The following SBF1 variants were observed in gnomAD, a reference collection of about 807,000 sequenced individuals.
SBF1 encodes the protein myotubularin-related protein 5.
Under a neutral mutation model 215.8 loss-of-function variants are expected in SBF1, and 65 were observed. The observed-to-expected ratio is 0.30, with a 90% confidence interval of 0.25 to 0.37. The LOEUF (loss-of-function observed/expected upper bound fraction) is 0.37. Ranked by LOEUF, SBF1 falls within the 10% of genes least tolerant of loss-of-function variation. The pLI, the probability that SBF1 is intolerant of heterozygous loss-of-function variation, is 1.00. For missense variants in SBF1, 2,634 were observed against 2,667.8 expected (o/e 0.99, Z 0.28); for synonymous variants, 1,410 against 1,122.8 (o/e 1.26, Z -5.11).
Position 50,461,193 on chromosome 22 carries a change from T to C in SBF1, c.2933A>G (p.Gln978Arg). 6.2e-7 allele frequency: 1 copy of C among 1,610,158 alleles called. No individual in the cohort carries two copies. Among genetic ancestry groups the C allele is most frequent in the Non-Finnish European group, 8.5e-7 (1 of 1,177,920 alleles). ...SVQTPVDQLL[Q>R]DGLQLRSCTF... ...GCAGGAGCGCAGCTGGAGCCCGTCCTGCAGGAGCTGGTCCACAGGGGTCTG... is the reference window on the plus strand; with the variant it reads ...GCAGGAGCGCAGCTGGAGCCCGTCCCGCAGGAGCTGGTCCACAGGGGTCTG... Residue 978 changes from glutamine to arginine, a missense_variant, in exon 23 of 41, where the codon CAG (glutamine) becomes CGG (arginine). By Grantham distance (43) the Gln-to-Arg change is conservative (BLOSUM62 1). Transcript: ENST00000380817.
Position 50,464,560 on chromosome 22 carries a change from G to C in SBF1, c.1610C>G (p.Thr537Ser), listed in dbSNP as rs541309044. ...APPAVKAERR[T>S]TVPSGPPMTA... ...CATGGGGGGCCCTGAGGGCACGGTG[G>C]TCCTCCTCTCGGCCTTCACAGCTGG... Residue 537 changes from threonine (T) to serine (S), a missense_variant, in exon 14 of 41, where the codon ACC (threonine) becomes AGC (serine). Transcript: ENST00000380817. 114 of 1,611,866 alleles carry C rather than the reference G, an allele frequency of 7.1e-5. 2 individuals are homozygous for C. In the East Asian group the frequency reaches 2.5e-3, roughly 36 times the overall value.
Position 50,463,479 on chromosome 22 carries a change from C to T in SBF1, c.1750-47G>A, listed in dbSNP as rs1428157160. Reference sequence around the variant, plus strand: ...ACGGGCTGAGGGCACAGAGAAGACCCACTCGGGGCCCTGGCAGGGAGGGCA... The same window carrying T: ...ACGGGCTGAGGGCACAGAGAAGACCTACTCGGGGCCCTGGCAGGGAGGGCA... On this transcript the variant is annotated intron_variant, in intron 15 of 40. Transcript: ENST00000380817. 6 of 1,497,088 alleles carry T rather than the reference C, an allele frequency of 4.0e-6. No homozygotes were observed. In the Admixed American group the frequency reaches 1.3e-4, roughly 33 times the overall value. 92.7% of individuals were successfully genotyped at this position (1,497,088 alleles called of 1,614,324 possible).
In SBF1 at chr22:50,448,411, G is replaced by A; in HGVS notation, c.5185C>T (p.Pro1729Ser). The A allele has an allele frequency of 1.2e-6, 2 of 1,613,870 alleles. No individual in the cohort carries two copies. The highest frequency in any genetic ancestry group is 1.7e-6 in the Non-Finnish European group (2 of 1,180,010). Residue 1729 changes from proline (P) to serine (S), a missense_variant, in exon 38 of 41, where the codon CCC (proline) becomes TCC (serine). Coordinates refer to ENST00000380817, the MANE Select transcript of SBF1 (RefSeq NM_002972.4). ...TPSSLLVSTAPHHRRSLGVYL... is the reference protein window; with the variant it reads ...TPSSLLVSTASHHRRSLGVYL... ...ACACCCAGCGAGCGACGGTGGTGGG[G>A]TGCGGTGGACACAAGGAGGGAGCTA...
At chr22:50,473,509 G>A (rs924238433) in intron 1 of SBF1, among the ~76,000 whole-genome samples, 3 of 152,220 alleles carry the variant, frequency 2.0e-5, no homozygotes, top group Non-Finnish European at 2.9e-5. Flanking sequence ...ATGACTGACG[G>A]TGCCATAAGA....
intron 36 of SBF1, among the ~76,000 whole-genome samples, chr22:50,453,845 G>T (rs2067142621): frequency 6.6e-6 from 1 of 151,510 alleles, no homozygotes; most frequent in Non-Finnish European, 1.5e-5. Context: ...GGAGCTGAGT[G>T]CAGGTCCCCC....
At position 50,459,507 on chromosome 22, in the gene SBF1, G is replaced by A. The variant is rs749839491; in HGVS notation, c.3651C>T (p.Val1217=). The change falls in exon 27 of 41, where the codon GTC becomes GTT. Residue 1217 remains valine, a synonymous_variant. Transcript: ENST00000380817. ...CGTTCTGGGCCTTGAAGAGGCCGAC[G>A]ACACCTTTGCCATGCAGGCCTCCAG... The part of the protein sequence containing the change: ...LRSGGLHGKG[V]VGLFKAQNAP... 18 of 1,610,132 alleles carry A rather than the reference G, an allele frequency of 1.1e-5. No individual in the cohort carries two copies. The highest frequency in any genetic ancestry group is 1.7e-4 in the Middle Eastern group (1 of 5,874).
Position 50,454,943 on chromosome 22 carries a change from C to T in SBF1, c.4683G>A (p.Gly1561=), listed in dbSNP as rs1248536871. The part of the protein sequence containing the change: ...LDSDYERIEL[G]LLYEEKGERR... Reference sequence around the variant, plus strand: ...GTTCCCCCTTCTCCTCATACAGCAGCCCTGCACAGAAGCAGCACTGAGCCT... The same window carrying T: ...GTTCCCCCTTCTCCTCATACAGCAGTCCTGCACAGAAGCAGCACTGAGCCT... Residue 1561 remains glycine (G), a splice_region_variant and synonymous_variant, in exon 35 of 41, where the codon GGG becomes GGA. Transcript: ENST00000380817. The T allele has an allele frequency of 6.2e-7, 1 of 1,613,890 alleles. No homozygotes were observed.
rs935185937 is a variant in SBF1, at chr22:50,445,744, C to G, written c.*1398G>C. 2.0e-5 allele frequency: 3 copies of G among 152,290 alleles called. No homozygotes were observed. The highest frequency in any genetic ancestry group is 7.2e-5 in the African/African-American group (3 of 41,454). 9.4% of individuals were successfully genotyped at this position (152,290 alleles called of 1,614,324 possible). ...ATCTCGCCCAGGTGTCCCAACACCA[C>G]CTGTGGGGTGGGGGAGGTGGCGGGA... On this transcript the variant is annotated 3_prime_UTR_variant, in exon 41 of 41. Transcript: ENST00000380817.
chr22:50,463,506 C>A, intron 15 of SBF1, 74 bp from the exon 16 acceptor site: 1 of 1,449,656 alleles, frequency 6.9e-7, no homozygotes, highest in Non-Finnish European at 9.2e-7. Context: ...GGGAGGGCAG[C>A]AGGTGTCCAG....
intron 1 of SBF1, among the ~76,000 whole-genome samples, chr22:50,469,581 G>C (rs1052363698): frequency 4.6e-5 from 7 of 152,200 alleles, no homozygotes; most frequent in African/African-American, 7.2e-5. Context: ...GGTGCAGCAG[G>C]AAAGACGAAA....
rs753561247 is a variant in SBF1, at chr22:50,464,808, T to C, written c.1431+11A>G. On this transcript the variant is annotated intron_variant, in intron 13 of 40. Coordinates refer to ENST00000380817, the MANE Select transcript of SBF1 (RefSeq NM_002972.4). ...GCGGTACGACGCCCTCCCGTCCTGC[T>C]ACCCTCGTACGTTCTTGTAGAGCTG... The C allele has an allele frequency of 1.9e-6, 3 of 1,613,354 alleles. No homozygotes were observed. Among genetic ancestry groups the C allele is most frequent in the African/African-American group, 2.7e-5 (2 of 74,942 alleles).
At position 50,462,957 on chromosome 22, in the gene SBF1, A is replaced by G. The variant is rs2067585381; in HGVS notation, c.1900-19T>C. 1 of 1,603,492 alleles carries G rather than the reference A, an allele frequency of 6.2e-7. No homozygotes were observed. The highest frequency in any genetic ancestry group is 8.5e-7 in the Non-Finnish European group (1 of 1,175,250). On this transcript the variant is annotated intron_variant, in intron 16 of 40. Coordinates refer to ENST00000380817, the MANE Select transcript of SBF1 (RefSeq NM_002972.4). ...TGCAGTCCTGCAGGTAGAGCGAGAG[A>G]CCGTCAGGACCTCTCCCCTCCCAGG...
chr22:50,465,373 C>G, intron 10 of SBF1, 45 bp from the exon 11 acceptor site: 2 of 1,507,336 alleles, frequency 1.3e-6, no homozygotes, highest in Non-Finnish European at 1.8e-6. Context: ...CCTGCCAATC[C>G]CCACCCCAGG....
rs533878318 is a variant in SBF1 at position 50,447,500 on chromosome 22, C to T, written c.5451+22G>A. The T allele has an allele frequency of 6.8e-6, 11 of 1,611,502 alleles. No individual in the cohort carries two copies. In the East Asian group the frequency reaches 1.8e-4, roughly 26 times the overall value. ...GCGGAGCCCCCTCCCCCGTGAGTCC[C>T]CCCCACCACCTGATCACTCACCTGG... On this transcript the variant is annotated intron_variant, in intron 39 of 40. Transcript: ENST00000380817.
At chr22:50,467,720 G>A (rs770013867) in intron 3 of SBF1, 30 bp from the exon 4 acceptor site, 4 of 1,606,916 alleles carry the variant, frequency 2.5e-6, no homozygotes, top group Non-Finnish European at 3.4e-6. Flanking sequence ...GACGGGGGCA[G>A]GGGGAGTTGG....
chr22:50,462,709 G>T lies in SBF1; in HGVS notation c.1977C>A (p.Ser659Arg). Residue 659 changes from serine (S) to arginine (R), a missense_variant, in exon 18 of 41, where the codon AGC (serine) becomes AGA (arginine). Coordinates refer to ENST00000380817, the MANE Select transcript of SBF1 (RefSeq NM_002972.4). The stretch of plus-strand genomic sequence containing the variant: ...TGTATGCAAACTGCGTCACCCCCGG[G>T]CTCAGCTTCTGCAGGAGCCAGGGGA... ...PLVTAFCRKL[S>R]PGVTQFAYSC... 2 of 1,611,600 alleles carry T rather than the reference G, an allele frequency of 1.2e-6. No homozygotes were observed. The highest frequency in any genetic ancestry group is 1.7e-6 in the Non-Finnish European group (2 of 1,179,250).
rs959615950 is a variant in SBF1, at chr22:50,464,634, G to A, written c.1536C>T (p.Thr512=). ...PRPFPRLDEG[T]VQWIVDQAAA... is the part of the protein sequence containing the mutation. ...CAGCCTGGTCCACGATCCACTGCAC[G>A]GTGCCCTCATCCAGCCGGGGGAAGG... Residue 512 remains threonine (T), a synonymous_variant, in exon 14 of 41, where the codon ACC becomes ACT. Coordinates refer to ENST00000380817, the MANE Select transcript of SBF1 (RefSeq NM_002972.4). 1.7e-5 allele frequency: 27 copies of A among 1,610,320 alleles called. 1 individual carries two copies. Among genetic ancestry groups the A allele is most frequent in the Middle Eastern group, 3.3e-4 (2 of 6,054 alleles).
chr22:50,460,838 G>GC lies in SBF1; in HGVS notation c.2968-127dup, dbSNP rs1438576694. ...AGAGAGAAGCAGGCCCCAGGCAAAGGCCTGTATCTGTGTCACACGAAGGCA... is the reference window on the plus strand; with the variant it reads ...AGAGAGAAGCAGGCCCCAGGCAAAGGCCCTGTATCTGTGTCACACGAAGGCA... On this transcript the variant is annotated intron_variant, in intron 23 of 40. Coordinates refer to ENST00000380817, the MANE Select transcript of SBF1 (RefSeq NM_002972.4). The GC allele has an allele frequency of 2.8e-6, 3 of 1,075,044 alleles. No homozygotes were observed. The East Asian group carries it at 7.2e-5, about 26-fold the overall frequency. The allele number at this position is 1,075,044 out of a possible 1,614,324, so 66.6% of individuals were successfully genotyped here. A position where few individuals can be genotyped will look rare whatever the true frequency, so the allele number is the denominator to read the frequency against.
chr22:50,472,455 C>T (rs1190118960), intron 1 of SBF1, among the ~76,000 whole-genome samples: 1 of 152,168 alleles, frequency 6.6e-6, no homozygotes, highest in African/African-American at 2.4e-5. Context: ...GATCCTCTAC[C>T]CACTCAGAAG....
Sources: allele counts gnomAD v4.1 joint callset (sites outside exome capture counted in the v4.1 genomes callset), GRCh38; gene constraint gnomAD v4.1.1; transcripts MANE v1.5; gene names NCBI Gene and HGNC (gene_info 2026-07-23, HGNC 2026-07-21).